The following PLA2G10 variants were observed in gnomAD, a reference collection of about 807,000 sequenced individuals.
The protein encoded by PLA2G10 is group 10 secretory phospholipase A2.
A neutral mutation model predicts 7.9 loss-of-function variants in PLA2G10; 9 were observed. The observed-to-expected ratio is 1.14, with a 90% CI of 0.68 to 1.98. The LOEUF (loss-of-function observed/expected upper bound fraction) is 1.98. Ranked by LOEUF, PLA2G10 falls within the 30% of genes most tolerant of loss-of-function variation. The pLI, the probability that PLA2G10 is intolerant of heterozygous loss-of-function variation, is 0.00. For missense variants in PLA2G10, 53 were observed against 65.4 expected, an observed-to-expected ratio of 0.81 and a Z score of 0.66; for synonymous variants, 19 against 27.5, an observed-to-expected ratio of 0.69 and a Z score of 0.97.
chr16:14,673,430 G>A (rs1960645003), intron 3 of PLA2G10, among the ~76,000 whole-genome samples: 1 of 151,894 alleles, frequency 6.6e-6, no homozygotes, highest in Non-Finnish European at 1.5e-5. Context: ...GGAGTGTAGT[G>A]GCAAGGTTGT....
chr16:14,676,016 T>C (rs1326747189), intron 3 of PLA2G10, among the ~76,000 whole-genome samples: 1 of 146,212 alleles, frequency 6.8e-6, no homozygotes, highest in African/African-American at 2.5e-5. Flanking sequence ...AATGAAAAAA[T>C]GTTTAACATA....
intron 3 of PLA2G10, among the ~76,000 whole-genome samples, chr16:14,679,498 A>G (rs1186810481): frequency 6.6e-6 from 1 of 151,950 alleles, no homozygotes; most frequent in Non-Finnish European, 1.5e-5. Context: ...CATCTCTACT[A>G]AAAATACAAA....
At chr16:14,687,827 C>A (rs1281178712) in intron 3 of PLA2G10, among the ~76,000 whole-genome samples, 1 of 150,478 alleles carries the variant, frequency 6.6e-6, no homozygotes, top group Non-Finnish European at 1.5e-5. Flanking sequence ...TGAAACCCCA[C>A]CTCTACTGAA....
intron 3 of PLA2G10, among the ~76,000 whole-genome samples, chr16:14,677,058 T>C (rs1449824182): frequency 6.6e-6 from 1 of 152,166 alleles, no homozygotes; most frequent in Non-Finnish European, 1.5e-5. Flanking sequence ...TTCACCACTA[T>C]ACAATTCATC....
chr16:14,678,351 C>G (rs1423007355), intron 3 of PLA2G10, among the ~76,000 whole-genome samples: 2 of 152,204 alleles, frequency 1.3e-5, no homozygotes, highest in Non-Finnish European at 2.9e-5. Flanking sequence ...ACCATCTTCA[C>G]TGCCACCCCC....
chr16:14,676,920 G>T (rs987309167), intron 3 of PLA2G10, among the ~76,000 whole-genome samples: 1 of 152,076 alleles, frequency 6.6e-6, no homozygotes, highest in Admixed American at 6.6e-5. Flanking sequence ...GCTAAGCTAT[G>T]GGGGGTACAC....
chr16:14,684,732 G>A (rs1313080967), intron 3 of PLA2G10, among the ~76,000 whole-genome samples: 2 of 152,270 alleles, frequency 1.3e-5, no homozygotes, highest in East Asian at 1.9e-4. Flanking sequence ...TGAGCCAAGA[G>A]GATAGTTTGA....
rs981900332 is a variant in PLA2G10 at position 14,672,628 on chromosome 16, C to T, written c.477G>A (p.Pro159=). The T allele has an allele frequency of 6.8e-6, 11 of 1,613,984 alleles. No individual in the cohort carries two copies. Among genetic ancestry groups the T allele is most frequent in the Middle Eastern group, 3.3e-4 (2 of 6,062 alleles). The stretch of plus-strand genomic sequence containing the variant: ...GTAGTCAGTCACACTTGGGCGAGTC[C>T]GGCTCACATAGGAACTGGGGGTAGA... ...YLFYPQFLCE[P]DSPKCD Residue 159 remains proline (P), a synonymous_variant, in exon 4 of 4, where the codon CCG becomes CCA. Coordinates refer to ENST00000438167, the MANE Select transcript of PLA2G10 (RefSeq NM_003561.3).
rs78075438 is a variant in PLA2G10 at position 14,683,295 on chromosome 16, C to T, written c.355+4870G>A. 4.0e-4 allele frequency among the ~76,000 whole-genome samples: 59 copies of T among 147,620 alleles called. 1 individual carries two copies. The East Asian group carries it at 0.012, about 30-fold the overall frequency. ...TTGCCCAGGCTGAAGTGCAGTGGTG[C>T]AATCTCTGCTCACTGCAATCTCCAC... On this transcript the variant is annotated intron_variant, in intron 3 of 3. Coordinates refer to ENST00000438167, the MANE Select transcript of PLA2G10 (RefSeq NM_003561.3).
intron 3 of PLA2G10, among the ~76,000 whole-genome samples, chr16:14,676,301 C>T (rs902975072): frequency 2.6e-5 from 4 of 152,150 alleles, no homozygotes; most frequent in South Asian, 2.1e-4. Flanking sequence ...ATCAAAAAGA[C>T]GTGCGCGCAT....
intron 3 of PLA2G10, among the ~76,000 whole-genome samples, chr16:14,685,989 C>CTTTTTTTTTTTTTTTT (rs147554543): frequency 9.4e-6 from 1 of 106,742 alleles, no homozygotes; most frequent in Non-Finnish European, 1.9e-5. Flanking sequence ...TTTCTTTACT[C>CTTTTTTTTTTTTTTTT]TTTTTTTTTT....
At chr16:14,674,035 A>C (rs1001488003) in intron 3 of PLA2G10, among the ~76,000 whole-genome samples, 1 of 152,190 alleles carries the variant, frequency 6.6e-6, no homozygotes, top group Non-Finnish European at 1.5e-5. Context: ...AATTCAATAA[A>C]GTCTCAGGTT....
chr16:14,672,749 C>T lies in PLA2G10; in HGVS notation c.356G>A (p.Gly119Glu). 6.2e-7 allele frequency: 1 copy of T among 1,613,620 alleles called. No homozygotes were observed. The highest frequency in any genetic ancestry group is 8.5e-7 in the Non-Finnish European group (1 of 1,179,786). Residue 119 changes from glycine to glutamate, a missense_variant and splice_region_variant, in exon 4 of 4, where the codon GGA (glycine) becomes GAA (glutamate). Physicochemically the swap from Gly to Glu is moderately conservative, Grantham distance 98. Coordinates refer to ENST00000438167, the MANE Select transcript of PLA2G10 (RefSeq NM_003561.3). ...WQCVNQSVLC[G>E]PAENKCQELL... ...TTCTTGGCATTTGTTCTCTGCCGGT[C>T]CTGGAAGAAGTGGGGAAACTGAGAT...
At chr16:14,685,989 C>CT (rs147554543) in intron 3 of PLA2G10, among the ~76,000 whole-genome samples, 24,309 of 106,742 alleles carry the variant, frequency 0.23, 3,726 homozygotes, top group Non-Finnish European at 0.29. Flanking sequence ...TTTCTTTACT[C>CT]TTTTTTTTTT....
intron 3 of PLA2G10, among the ~76,000 whole-genome samples, chr16:14,673,286 G>A (rs1234973717): frequency 2.0e-5 from 3 of 152,074 alleles, no homozygotes; most frequent in Non-Finnish European, 2.9e-5. Flanking sequence ...GCCTCCGAAA[G>A]TGCTGGGATT....
At chr16:14,682,561 G>A (rs1054364770) in intron 3 of PLA2G10, among the ~76,000 whole-genome samples, 3 of 152,102 alleles carry the variant, frequency 2.0e-5, no homozygotes, top group Non-Finnish European at 2.9e-5. Flanking sequence ...GGGCTACAGA[G>A]TAAGACTCTG....
At chr16:14,683,860 A>G (rs1329023794) in intron 3 of PLA2G10, among the ~76,000 whole-genome samples, 1 of 152,210 alleles carries the variant, frequency 6.6e-6, no homozygotes, top group Non-Finnish European at 1.5e-5. Context: ...AGACACTATC[A>G]AGGAAGTGAA....
chr16:14,685,056 C>T (rs986320882), intron 3 of PLA2G10, among the ~76,000 whole-genome samples: 10 of 152,054 alleles, frequency 6.6e-5, no homozygotes, highest in African/African-American at 2.2e-4. Context: ...AAATGAATGA[C>T]GTACTGACAC....
intron 3 of PLA2G10, among the ~76,000 whole-genome samples, chr16:14,684,645 G>A (rs1352037466): frequency 2.0e-5 from 3 of 152,018 alleles, no homozygotes; most frequent in African/African-American, 2.4e-5. Context: ...CAGCCTGGGC[G>A]ACAAAGTGAG....
Sources: gnomAD v4.1 joint callset for allele counts (sites outside exome capture counted in the v4.1 genomes callset) on GRCh38, gnomAD v4.1.1 for gene constraint, MANE v1.5 for transcripts, NCBI Gene and HGNC (gene_info 2026-07-23, HGNC 2026-07-21) for gene names.